The following INPP4A variants were observed in gnomAD, a reference collection of about 807,000 sequenced individuals.
INPP4A encodes the protein inositol polyphosphate-4-phosphatase type I A.
INPP4A carries 33 observed loss-of-function variants against 119.8 expected under a neutral mutation model. The observed-to-expected ratio is 0.28, with a 90% CI of 0.21 to 0.37. INPP4A has a LOEUF of 0.37. Among genes scored for constraint, INPP4A ranks in the 10% least tolerant of loss-of-function variants. The probability of loss-of-function intolerance (pLI) is 1.00; values close to 1 mark genes in which losing one functional copy is unlikely to be tolerated. For synonymous variants in INPP4A, 496 were observed against 500.7 expected, an observed-to-expected ratio of 0.99 and a Z score of 0.12; for missense variants, 956 against 1,289.9, an observed-to-expected ratio of 0.74 and a Z score of 3.97.
chr2:98,504,210 A>G (rs924149351), intron 1 of INPP4A, among the ~76,000 whole-genome samples: 1 of 152,208 alleles, frequency 6.6e-6, no homozygotes, highest in Non-Finnish European at 1.5e-5. Flanking sequence ...AGCTGAAGCC[A>G]TAGAACCCTC....
At position 98,494,227 on chromosome 2, in the gene INPP4A, C is replaced by G. The variant is rs749938524; in HGVS notation, c.-165-24737C>G. On this transcript the variant is annotated intron_variant, in intron 1 of 24. Coordinates refer to ENST00000409851, the MANE Select transcript of INPP4A (RefSeq NM_001134225.2). ...CAGGAGGGCAGGCTGTCAGCATCCC[C>G]CTACCTCCAGCAAGGCTGCATGTTG... Among the ~76,000 whole-genome samples the G allele has an allele frequency of 1.2e-4, 19 of 152,322 alleles. No individual in the cohort carries two copies. In the Middle Eastern group the frequency reaches 0.024, roughly 191 times the overall value.
chr2:98,574,136 TTG>T (rs1697997179), intron 23 of INPP4A, among the ~76,000 whole-genome samples: 4 of 152,136 alleles, frequency 2.6e-5, no homozygotes, highest in Non-Finnish European at 5.9e-5. Context: ...TCATCTGGCA[TTG>T]CTTGCTCAGG....
chr2:98,548,992 G>A (rs1317375213), intron 13 of INPP4A: 7 of 1,610,802 alleles, frequency 4.3e-6, no homozygotes, highest in African/African-American at 4.0e-5. Flanking sequence ...TCTGTGGAGA[G>A]AGTGTCTGTT....
chr2:98,542,033 C>T (rs1691560857), intron 10 of INPP4A, among the ~76,000 whole-genome samples: 1 of 152,214 alleles, frequency 6.6e-6, no homozygotes, highest in Non-Finnish European at 1.5e-5. Context: ...GGGAACCTCA[C>T]GCAGGAACTC....
intron 1 of INPP4A, among the ~76,000 whole-genome samples, chr2:98,477,838 C>T (rs1475796887): frequency 6.6e-6 from 1 of 152,226 alleles, no homozygotes; most frequent in Admixed American, 6.5e-5. Flanking sequence ...ATGTGGACAG[C>T]CTGGGCCCTG....
intron 23 of INPP4A, 25 bp downstream of exon 23, chr2:98,572,952 A>T: frequency 1.3e-6 from 2 of 1,515,934 alleles, no homozygotes; most frequent in Non-Finnish European, 1.8e-6. Context: ...GAGGAAAAGG[A>T]GGCTATTGCG....
chr2:98,519,860 C>T (rs766625514), intron 2 of INPP4A, 86 bp from the exon 3 acceptor site: 49 of 587,824 alleles, frequency 8.3e-5, no homozygotes, highest in Non-Finnish European at 1.4e-4. Flanking sequence ...TACCTCGCCC[C>T]CGGTAGGTCA....
intron 7 of INPP4A, among the ~76,000 whole-genome samples, chr2:98,537,590 C>T (rs868251038): frequency 6.6e-6 from 1 of 152,188 alleles, no homozygotes; most frequent in Non-Finnish European, 1.5e-5. Flanking sequence ...TTGGCTCCTC[C>T]TCAGGGAGGC....
At chr2:98,481,143 A>G (rs1334074596) in intron 1 of INPP4A, among the ~76,000 whole-genome samples, 2 of 152,160 alleles carry the variant, frequency 1.3e-5, no homozygotes, top group African/African-American at 4.8e-5. Flanking sequence ...AACATAATTT[A>G]ATCAGAGCAC....
intron 4 of INPP4A, among the ~76,000 whole-genome samples, chr2:98,525,217 A>G (rs111298863): frequency 0.031 from 4,744 of 152,240 alleles, 269 homozygotes; most frequent in African/African-American, 0.11. Context: ...CCTCTTGTGG[A>G]CTTACAGTCC....
chr2:98,515,720 C>T (rs951018745), intron 1 of INPP4A, among the ~76,000 whole-genome samples: 1 of 152,202 alleles, frequency 6.6e-6, no homozygotes, highest in Admixed American at 6.5e-5. Context: ...GGTGGAGGGA[C>T]CTGCAGTACT....
intron 1 of INPP4A, among the ~76,000 whole-genome samples, chr2:98,507,965 TC>T (rs1343577155): frequency 6.6e-6 from 1 of 152,142 alleles, no homozygotes; most frequent in East Asian, 1.9e-4. Context: ...CGTCACTGCA[TC>T]CCCTGGGTTG....
chr2:98,499,744 T>G (rs1682736805), intron 1 of INPP4A, among the ~76,000 whole-genome samples: 1 of 152,264 alleles, frequency 6.6e-6, no homozygotes, highest in South Asian at 2.1e-4. Flanking sequence ...AGTTCCTATA[T>G]GTCTCTTATC....
chr2:98,445,169 C>A, intron 1 of INPP4A, 84 bp downstream of exon 1: 1 of 152,128 alleles, frequency 6.6e-6, no homozygotes, highest in South Asian at 1.9e-4. Context: ...GGGGGCGCGT[C>A]CAGGTCCCCG....
At chr2:98,456,560 A>G (rs1168423674) in intron 1 of INPP4A, among the ~76,000 whole-genome samples, 1 of 151,988 alleles carries the variant, frequency 6.6e-6, no homozygotes, top group Non-Finnish European at 1.5e-5. Flanking sequence ...GCTGGTCTTG[A>G]ACTCCGGGCA....
intron 16 of INPP4A, among the ~76,000 whole-genome samples, chr2:98,558,143 T>C (rs1417058969): frequency 2.0e-5 from 3 of 152,162 alleles, no homozygotes; most frequent in Non-Finnish European, 4.4e-5. Flanking sequence ...AAGACCCCCT[T>C]TTTCTCCCCT....
At chr2:98,505,245 G>T (rs3754885) in intron 1 of INPP4A, among the ~76,000 whole-genome samples, 36,933 of 152,154 alleles carry the variant, frequency 0.24, 4,636 homozygotes, top group Middle Eastern at 0.35. Flanking sequence ...TCTAGGAGGT[G>T]GCATGGATGC....
chr2:98,566,046 G>T lies in INPP4A; in HGVS notation c.2297G>T (p.Arg766Leu), dbSNP rs868776416. The T allele has an allele frequency of 1.2e-6, 2 of 1,606,038 alleles. No homozygotes were observed. Among genetic ancestry groups the T allele is most frequent in the East Asian group, 2.3e-5 (1 of 44,258 alleles). The change falls in exon 21 of 25, where the codon CGG (arginine) becomes CTG (leucine). Residue 766 changes from arginine (R) to leucine (L), a missense_variant. This residue lies in a region of INPP4A where 304 missense variants were observed against 492.1 expected (regional missense o/e 0.62). Transcript: ENST00000409851. This position sits in a 1 kb window ranked among gnomAD's most constrained non-coding sequence, Gnocchi z 4.2. ...ITGNRDGFNV[R>L]VPLPGPLFDA... ...TTCTCCAGCGACGGGTTTAACGTGCGGGTCCCTCTGCCGGGCCCGCTGTTT... is the reference window on the plus strand; with the variant it reads ...TTCTCCAGCGACGGGTTTAACGTGCTGGTCCCTCTGCCGGGCCCGCTGTTT...
At chr2:98,539,701 G>C in intron 10 of INPP4A, 26 bp downstream of exon 10, 2 of 1,593,166 alleles carry the variant, frequency 1.3e-6, no homozygotes, top group Non-Finnish European at 1.7e-6. Flanking sequence ...AGGACTGACT[G>C]TCCATCATAC....
Sources: gnomAD v4.1 joint callset for allele counts (sites outside exome capture counted in the v4.1 genomes callset) on GRCh38, gnomAD v4.1.1 for gene constraint, gnomAD v4.1.1 regional missense constraint, Gnocchi (gnomAD v3.1) non-coding constraint, MANE v1.5 for transcripts, NCBI Gene and HGNC (gene_info 2026-07-23, HGNC 2026-07-21) for gene names.